Variants in IL17F observed in about 807,000 individuals in gnomAD.
The protein encoded by IL17F is interleukin-17F.
IL17F carries 6 observed loss-of-function variants against 8.3 expected under a neutral mutation model. The observed-to-expected ratio is 0.73, with a 90% CI of 0.40 to 1.43. IL17F has a LOEUF of 1.43. Among genes scored for constraint, IL17F ranks in the 40% most tolerant of loss-of-function variants. IL17F has a pLI of 0.02. For synonymous variants in IL17F, 98 were observed against 81.6 expected (o/e 1.20, Z -1.08); for missense variants, 204 against 209.6 (o/e 0.97, Z 0.17).
chr6:52,242,748 C>T (rs1215649683), intron 1 of IL17F, among the ~76,000 whole-genome samples: 1 of 152,196 alleles, frequency 6.6e-6, no homozygotes, highest in Non-Finnish European at 1.5e-5. Context: ...TTCCCATCTA[C>T]TTCAGTGGAT....
intron 1 of IL17F, among the ~76,000 whole-genome samples, chr6:52,243,640 G>T (rs1490925235): frequency 6.6e-6 from 1 of 152,096 alleles, no homozygotes; most frequent in Non-Finnish European, 1.5e-5. Context: ...AGGCCAACCT[G>T]ACTCTATAAT....
At chr6:52,238,090 G>A (rs1443565781) in intron 2 of IL17F, among the ~76,000 whole-genome samples, 3 of 152,148 alleles carry the variant, frequency 2.0e-5, no homozygotes, top group Non-Finnish European at 2.9e-5. Context: ...TTCCCAGTTC[G>A]AGGCAGGGGG....
At chr6:52,244,255 G>T in intron 1 of IL17F, 142 bp downstream of exon 1, 1 of 847,534 alleles carries the variant, frequency 1.2e-6, no homozygotes, top group Non-Finnish European at 2.1e-6. Context: ...TTCTCCACCA[G>T]ACAGGAGTCA....
intron 1 of IL17F, among the ~76,000 whole-genome samples, chr6:52,243,811 G>A (rs1258987227): frequency 1.3e-5 from 2 of 152,054 alleles, no homozygotes; most frequent in Non-Finnish European, 2.9e-5. Flanking sequence ...CACCCAGGAT[G>A]GAGTGCAGTG....
At chr6:52,238,994 C>T in intron 1 of IL17F, 44 bp from the exon 2 acceptor site, 1 of 1,540,038 alleles carries the variant, frequency 6.5e-7, no homozygotes, top group Non-Finnish European at 9.0e-7. Flanking sequence ...ACTCGCCTCA[C>T]CTACTAGCAA....
At chr6:52,239,213 G>A in intron 1 of IL17F, 1 of 475,216 alleles carries the variant, frequency 2.1e-6, no homozygotes, top group South Asian at 2.3e-5. Flanking sequence ...AAAGATGCAA[G>A]GGTCTGAGAT....
At chr6:52,245,252 G>A (rs765763164), upstream of IL17F, among the ~76,000 whole-genome samples, 5 of 152,086 alleles carry the variant, frequency 3.3e-5, no homozygotes, top group Non-Finnish European at 5.9e-5. Flanking sequence ...CAATTCTGAC[G>A]CTATCTCCAG....
chr6:52,239,465 G>T (rs1273008486), intron 1 of IL17F, among the ~76,000 whole-genome samples: 1 of 152,022 alleles, frequency 6.6e-6, no homozygotes, highest in East Asian at 1.9e-4. Flanking sequence ...CCTCTACCTA[G>T]AATACACTGC....
chr6:52,239,380 T>C (rs1764029740), intron 1 of IL17F, among the ~76,000 whole-genome samples: 1 of 152,204 alleles, frequency 6.6e-6, no homozygotes, highest in South Asian at 2.1e-4. Context: ...AGAGGCTTAA[T>C]AAACGATAGC....
Position 52,243,770 on chromosome 6 carries a change from T to C in IL17F, c.33+627A>G, listed in dbSNP as rs185189047. Reference sequence around the variant, plus strand: ...AAGCCATTGGGTGAGGAGCTGCATTTTTTTTTCTTTGAGACAGAGTCTCGC... The same window carrying C: ...AAGCCATTGGGTGAGGAGCTGCATTCTTTTTTCTTTGAGACAGAGTCTCGC... On this transcript the variant is annotated intron_variant, in intron 1 of 2. Coordinates refer to ENST00000336123, the MANE Select transcript of IL17F (RefSeq NM_052872.4). Among the ~76,000 whole-genome samples, 4 of 152,210 alleles carry C rather than the reference T, an allele frequency of 2.6e-5. No homozygotes were observed. In the East Asian group the frequency reaches 7.7e-4, roughly 29 times the overall value.
At chr6:52,244,365 G>C (rs879555905) in intron 1 of IL17F, 32 bp downstream of exon 1, 3 of 1,607,052 alleles carry the variant, frequency 1.9e-6, no homozygotes, top group Non-Finnish European at 2.6e-6. Context: ...AGGCATGACA[G>C]TCCTTAAACC....
intron 1 of IL17F, among the ~76,000 whole-genome samples, chr6:52,239,409 C>T (rs1478352630): frequency 6.6e-6 from 1 of 152,150 alleles, no homozygotes; most frequent in Non-Finnish European, 1.5e-5. Context: ...TTATTTCCAA[C>T]TTGATATCCC....
In IL17F at chr6:52,238,840, C is replaced by G. The variant is rs759760136; in HGVS notation, c.144G>C (p.Pro48=). ...GCTTCATACTACCTCCTGGCACAGGCGGGCAACTCTCAGGCTTTTGGAAAA... is the reference window on the plus strand; with the variant it reads ...GCTTCATACTACCTCCTGGCACAGGGGGGCAACTCTCAGGCTTTTGGAAAA... The part of the protein sequence containing the change: ...HTFFQKPESC[P]PVPGGSMKLD... Residue 48 remains proline, a synonymous_variant, in exon 2 of 3, where the codon CCG becomes CCC. Transcript: ENST00000336123. 26 of 1,613,936 alleles carry G rather than the reference C, an allele frequency of 1.6e-5. No individual in the cohort carries two copies. The highest frequency in any genetic ancestry group is 2.1e-5 in the Non-Finnish European group (25 of 1,179,942).
chr6:52,243,402 A>C (rs1377229700), intron 1 of IL17F, among the ~76,000 whole-genome samples: 1 of 152,190 alleles, frequency 6.6e-6, no homozygotes, highest in Non-Finnish European at 1.5e-5. Context: ...TCCAAGAAGA[A>C]TGAGATGGTA....
At chr6:52,241,289 G>T (rs1028418515) in intron 1 of IL17F, among the ~76,000 whole-genome samples, 1 of 152,072 alleles carries the variant, frequency 6.6e-6, no homozygotes, top group East Asian at 1.9e-4. Flanking sequence ...ATGTGGTCAG[G>T]CTGGTCTTGA....
At chr6:52,245,301 C>G (rs999829552), upstream of IL17F, among the ~76,000 whole-genome samples, 8 of 152,184 alleles carry the variant, frequency 5.3e-5, no homozygotes, top group African/African-American at 1.9e-4. Flanking sequence ...AGGCTCAGTC[C>G]CACAAAACTG....
rs764517083 is a variant in IL17F, at chr6:52,238,776, T to C, written c.208A>G (p.Met70Val). 6 of 1,614,214 alleles carry C rather than the reference T, an allele frequency of 3.7e-6. No homozygotes were observed. The highest frequency in any genetic ancestry group is 2.2e-5 in the East Asian group (1 of 44,884). Residue 70 changes from methionine (M) to valine (V), a missense_variant, in exon 2 of 3, where the codon ATG becomes GTG. Physicochemically the swap from Met to Val is conservative, Grantham distance 21. Transcript: ENST00000336123. ...GIINENQRVSMSRNIESRSTS... is the reference protein window; with the variant it reads ...GIINENQRVSVSRNIESRSTS... ...GAGCGGCTCTCGATGTTACGTGACATGGAAACGCGCTGGTTTTCATTGATG... is the reference window on the plus strand; with the variant it reads ...GAGCGGCTCTCGATGTTACGTGACACGGAAACGCGCTGGTTTTCATTGATG...
At position 52,238,754 on chromosome 6, in the gene IL17F, C is replaced by T. The variant is rs371280410; in HGVS notation, c.230G>A (p.Arg77His). The T allele has an allele frequency of 4.0e-5, 65 of 1,613,914 alleles. No individual in the cohort carries two copies. The highest frequency in any genetic ancestry group is 2.7e-4 in the South Asian group (25 of 91,080). Residue 77 changes from arginine (R) to histidine (H), a missense_variant, in exon 2 of 3, where the codon CGC (arginine) becomes CAC (histidine). Transcript: ENST00000336123. The stretch of plus-strand genomic sequence containing the variant: ...CGTGTAATTCCAGGGGGAGGTGGAG[C>T]GGCTCTCGATGTTACGTGACATGGA... ...RVSMSRNIES[R>H]STSPWNYTVT...
chr6:52,237,000 G>A lies in IL17F; in HGVS notation c.423C>T (p.Phe141=), dbSNP rs759080928. The part of the protein sequence containing the change: ...RRKHQGCSVS[F]QLEKVLVTVG... Reference sequence around the variant, plus strand: ...CAGTCACCAGCACCTTCTCCAACTGGAAAGAAACAGAGCAGCCTTGGTGCT... The same window carrying A: ...CAGTCACCAGCACCTTCTCCAACTGAAAAGAAACAGAGCAGCCTTGGTGCT... The change falls in exon 3 of 3, where the codon TTC becomes TTT. Residue 141 remains phenylalanine, a synonymous_variant. Transcript: ENST00000336123. 6.2e-7 allele frequency: 1 copy of A among 1,614,102 alleles called. No individual in the cohort carries two copies. Among genetic ancestry groups the A allele is most frequent in the Non-Finnish European group, 8.5e-7 (1 of 1,180,048 alleles).
Sources: allele counts gnomAD v4.1 joint callset (sites outside exome capture counted in the v4.1 genomes callset), GRCh38; gene constraint gnomAD v4.1.1; transcripts MANE v1.5; gene names NCBI Gene and HGNC (gene_info 2026-07-23, HGNC 2026-07-21).